PTPRD: variants seen among roughly 807,000 people sequenced by gnomAD.
The protein encoded by PTPRD is receptor-type tyrosine-protein phosphatase delta.
PTPRD carries 34 observed loss-of-function variants against 214.5 expected under a neutral mutation model. The observed-to-expected ratio is 0.16, with a 90% CI of 0.12 to 0.21. The LOEUF (loss-of-function observed/expected upper bound fraction) is 0.21. PTPRD is among the 10% of genes least tolerant of loss of function. The pLI, the probability that PTPRD is intolerant of heterozygous loss-of-function variation, is 1.00. For missense variants in PTPRD, 2,545 were observed against 2,398.7 expected (o/e 1.06, Z -1.27); for synonymous variants, 1,128 against 845.7 (o/e 1.33, Z -5.79).
At chr9:9,922,066 G>C (rs1019468357) in intron 5 of PTPRD, among the ~76,000 whole-genome samples, 2 of 152,102 alleles carry the variant, frequency 1.3e-5, no homozygotes, top group South Asian at 2.1e-4. Flanking sequence ...GGCTGAGAAA[G>C]TACTGCCTAT....
intron 2 of PTPRD, among the ~76,000 whole-genome samples, chr9:10,571,869 A>T (rs2067560749): frequency 1.3e-5 from 2 of 152,122 alleles, no homozygotes; most frequent in South Asian, 4.2e-4. Flanking sequence ...TGCTGATCTG[A>T]AAGGAGGCGG....
At chr9:8,344,672 A>C (rs1465766198) in intron 39 of PTPRD, among the ~76,000 whole-genome samples, 1 of 152,034 alleles carries the variant, frequency 6.6e-6, no homozygotes, top group Non-Finnish European at 1.5e-5. Context: ...TCTAGGATGA[A>C]GAATTCTTGA....
At chr9:9,576,007 C>T (rs989797551) in intron 7 of PTPRD, among the ~76,000 whole-genome samples, 1 of 152,000 alleles carries the variant, frequency 6.6e-6, no homozygotes, top group African/African-American at 2.4e-5. Flanking sequence ...ACTGGTAGGT[C>T]TACAAGTAGG....
At chr9:9,800,047 T>C (rs1318733019) in intron 5 of PTPRD, among the ~76,000 whole-genome samples, 1 of 152,160 alleles carries the variant, frequency 6.6e-6, no homozygotes, top group Non-Finnish European at 1.5e-5. Flanking sequence ...GAAAAAATAA[T>C]AATAAAATAT....
At chr9:8,569,540 T>A (rs567471176) in intron 14 of PTPRD, among the ~76,000 whole-genome samples, 1 of 152,224 alleles carries the variant, frequency 6.6e-6, no homozygotes, top group South Asian at 2.1e-4. Flanking sequence ...TCCGTTCCCC[T>A]CAACAATTGG....
intron 8 of PTPRD, among the ~76,000 whole-genome samples, chr9:9,525,332 C>T (rs986431010): frequency 5.5e-4 from 83 of 152,094 alleles, no homozygotes; most frequent in African/African-American, 1.8e-3. Flanking sequence ...CCATCCCAGA[C>T]CATTATATTT....
At chr9:9,238,974 C>T (rs543929720) in intron 9 of PTPRD, among the ~76,000 whole-genome samples, 1 of 152,220 alleles carries the variant, frequency 6.6e-6, no homozygotes, top group South Asian at 2.1e-4. Context: ...CACGGTGTGT[C>T]TTTTTCATCA....
chr9:9,409,892 T>C (rs2141846804), intron 8 of PTPRD, among the ~76,000 whole-genome samples: 1 of 152,228 alleles, frequency 6.6e-6, no homozygotes, highest in Admixed American at 6.5e-5. Flanking sequence ...GATAAGAAAC[T>C]TTGGTCTAAC....
chr9:9,548,751 A>G (rs976648462), intron 8 of PTPRD, among the ~76,000 whole-genome samples: 2 of 152,182 alleles, frequency 1.3e-5, no homozygotes, highest in African/African-American at 4.8e-5. Flanking sequence ...TAAGATAACG[A>G]ATATTACCAG....
At chr9:8,929,793 G>GTGTGTATATA (rs2098934977) in intron 11 of PTPRD, among the ~76,000 whole-genome samples, 1 of 66,784 alleles carries the variant, frequency 1.5e-5, no homozygotes, top group African/African-American at 6.7e-5. Flanking sequence ...GTGTATATAT[G>GTGTGTATATA]TGTGTGTATA....
intron 8 of PTPRD, among the ~76,000 whole-genome samples, chr9:9,423,865 A>G (rs1339447658): frequency 6.6e-6 from 1 of 152,214 alleles, no homozygotes; most frequent in African/African-American, 2.4e-5. Context: ...ATAATGCAGA[A>G]AAAAATACAA....
intron 9 of PTPRD, among the ~76,000 whole-genome samples, chr9:9,338,857 G>C (rs1036942294): frequency 6.6e-6 from 1 of 151,652 alleles, no homozygotes; most frequent in East Asian, 1.9e-4. Context: ...CTCACCCCTC[G>C]ACAGGCCCTG....
chr9:10,384,074 C>CA (rs33977592), intron 2 of PTPRD, among the ~76,000 whole-genome samples: 14,035 of 104,614 alleles, frequency 0.13, 772 homozygotes, highest in South Asian at 0.21. Context: ...TTAATGGGTA[C>CA]AAAAAAAAAA....
chr9:9,829,297 G>C (rs1224888725), intron 5 of PTPRD, among the ~76,000 whole-genome samples: 1 of 151,640 alleles, frequency 6.6e-6, no homozygotes, highest in Admixed American at 6.6e-5. Context: ...CCTATCTTTT[G>C]ATTTCTACTA....
At chr9:9,369,145 T>G (rs886704144) in intron 9 of PTPRD, among the ~76,000 whole-genome samples, 8 of 152,152 alleles carry the variant, frequency 5.3e-5, no homozygotes, top group African/African-American at 1.9e-4. Flanking sequence ...CCACATTTTC[T>G]TAATCTAGTC....
intron 7 of PTPRD, among the ~76,000 whole-genome samples, chr9:9,676,003 T>C (rs2096921505): frequency 2.0e-5 from 3 of 152,192 alleles, no homozygotes; most frequent in Middle Eastern, 3.4e-3. Context: ...AAGGGTTCTG[T>C]AGCACTAAAA....
chr9:8,929,755 A>ATATATATGTGTATATATGTG (rs1285445116), intron 11 of PTPRD, among the ~76,000 whole-genome samples: 1 of 58,080 alleles, frequency 1.7e-5, no homozygotes, highest in Non-Finnish European at 3.5e-5. Context: ...GTATATATAT[A>ATATATATGTGTATATATGTG]TGTATATATA....
At chr9:10,342,398 C>G (rs529583152) in intron 2 of PTPRD, among the ~76,000 whole-genome samples, 2 of 152,066 alleles carry the variant, frequency 1.3e-5, no homozygotes, top group Admixed American at 1.3e-4. Flanking sequence ...TTTTACATTT[C>G]TATACATTTA....
intron 5 of PTPRD, among the ~76,000 whole-genome samples, chr9:9,814,390 CCT>C (rs143828121): frequency 0.025 from 3,732 of 150,376 alleles, 59 homozygotes; most frequent in Middle Eastern, 0.059. Flanking sequence ...TAGATAAAAC[CCT>C]CAACCCCCCA....
Sources: allele counts gnomAD v4.1 joint callset (sites outside exome capture counted in the v4.1 genomes callset), GRCh38; gene constraint gnomAD v4.1.1; transcripts MANE v1.5; gene names NCBI Gene and HGNC (gene_info 2026-07-23, HGNC 2026-07-21).